OR3A2: variants seen among roughly 807,000 people sequenced by gnomAD.
The protein encoded by OR3A2 is olfactory receptor 3A2.
For synonymous variants in OR3A2, 126 were observed against 159.3 expected (o/e 0.79, Z 1.57); for missense variants, 318 against 392.8 (o/e 0.81, Z 1.61).
At chr17:3,301,451 A>C (rs534678499) in intron 3 of OR3A2, among the ~76,000 whole-genome samples, 292 of 152,242 alleles carry the variant, frequency 1.9e-3, no homozygotes, top group African/African-American at 6.8e-3. Flanking sequence ...AGTGATGATG[A>C]GCATTTTTTC....
chr17:3,335,441 C>A (rs532489213), intron 3 of OR3A2, among the ~76,000 whole-genome samples: 1 of 152,226 alleles, frequency 6.6e-6, no homozygotes, highest in South Asian at 2.1e-4. Context: ...TAATCAATTA[C>A]CTCAACACTA....
chr17:3,367,592 T>C (rs1194680688), intron 2 of OR3A2, among the ~76,000 whole-genome samples: 1 of 114,190 alleles, frequency 8.8e-6, no homozygotes, highest in East Asian at 8.2e-4. Context: ...TGTATATGTG[T>C]GTGTGTGTGT....
rs145253725 is a variant in OR3A2, at chr17:3,298,856, C to T, written c.-84-19703G>A. ...ACGAGTGAGCCAGAAATGAGATCAT[C>T]CAGTCATCTATCCACTGCCGTGTCA... is the stretch of plus-strand genomic sequence containing the variant. On this transcript the variant is annotated intron_variant, in intron 3 of 4. Coordinates refer to the OR3A2 transcript ENST00000573491. Among the ~76,000 whole-genome samples, 786 of 152,298 alleles carry T rather than the reference C, an allele frequency of 5.2e-3. 8 individuals are homozygous for T. The highest frequency in any genetic ancestry group is 0.018 in the African/African-American group (754 of 41,550).
chr17:3,284,098 ATGCAGTGGGTGCGGGCAG>A (rs2048793109), intron 1 of OR3A2, among the ~76,000 whole-genome samples: 1 of 148,946 alleles, frequency 6.7e-6, no homozygotes, highest in African/African-American at 2.5e-5. Context: ...CCGCTGCCTG[ATGCAGTGGGTGCGGGCAG>A]TGAACTGGTC....
At chr17:3,282,417 A>G (rs565195389) in intron 1 of OR3A2, among the ~76,000 whole-genome samples, 2 of 151,338 alleles carry the variant, frequency 1.3e-5, no homozygotes, top group Non-Finnish European at 2.9e-5. Context: ...CAAAAAAAAG[A>G]GTCAAGATAG....
chr17:3,378,788 C>T (rs2049707892), intron 2 of OR3A2, among the ~76,000 whole-genome samples: 1 of 152,192 alleles, frequency 6.6e-6, no homozygotes, highest in Non-Finnish European at 1.5e-5. Context: ...CGGAAGTTCT[C>T]CCTGAACACT....
chr17:3,325,736 T>C (rs747243824), intron 3 of OR3A2, among the ~76,000 whole-genome samples: 3 of 152,074 alleles, frequency 2.0e-5, no homozygotes, highest in Non-Finnish European at 4.4e-5. Flanking sequence ...AGTGTAAAAA[T>C]TGAGGTAAGA....
intron 2 of OR3A2, among the ~76,000 whole-genome samples, chr17:3,368,704 C>T (rs2049584911): frequency 6.6e-6 from 1 of 152,040 alleles, no homozygotes; most frequent in African/African-American, 2.4e-5. Flanking sequence ...CTTAGTCTTG[C>T]TTTGGCTATG....
At chr17:3,324,512 G>C (rs1404625245) in intron 3 of OR3A2, among the ~76,000 whole-genome samples, 1 of 152,044 alleles carries the variant, frequency 6.6e-6, no homozygotes, top group African/African-American at 2.4e-5. Flanking sequence ...GGTCTTTGAT[G>C]ATGGTGACAT....
chr17:3,378,322 T>TGC (rs1267691740), intron 2 of OR3A2, among the ~76,000 whole-genome samples: 2 of 152,206 alleles, frequency 1.3e-5, no homozygotes, highest in Non-Finnish European at 2.9e-5. Flanking sequence ...GGCTGGCACG[T>TGC]CAGCCCCCTG....
At position 3,291,631 on chromosome 17, in the gene OR3A2, C is replaced by G. The variant is rs764714389; in HGVS notation, c.-84-12478G>C. 3.1e-5 allele frequency: 49 copies of G among 1,581,130 alleles called. No individual in the cohort carries two copies. In the South Asian group the frequency reaches 5.4e-4, roughly 17 times the overall value. The stretch of plus-strand genomic sequence containing the variant: ...ACAGGGAGAAAGGGTCAATTGAGAC[C>G]TCCTCAAGCCAGTGACCGCCTCCCT... On this transcript the variant is annotated intron_variant, in intron 3 of 4. Coordinates refer to the OR3A2 transcript ENST00000573491.
chr17:3,325,076 T>C (rs2049159436), intron 3 of OR3A2, among the ~76,000 whole-genome samples: 1 of 152,074 alleles, frequency 6.6e-6, no homozygotes, highest in South Asian at 2.1e-4. Flanking sequence ...TTTTTACTAT[T>C]TTTATGATTT....
upstream of OR3A2, among the ~76,000 whole-genome samples, chr17:3,288,652 A>G (rs1001289659): frequency 1.3e-5 from 2 of 152,250 alleles, no homozygotes; most frequent in African/African-American, 4.8e-5. Flanking sequence ...ATATATATAT[A>G]ACATCCAATG....
intron 2 of OR3A2, among the ~76,000 whole-genome samples, chr17:3,344,631 C>A (rs1597350994): frequency 6.6e-6 from 1 of 152,148 alleles, no homozygotes; most frequent in East Asian, 1.9e-4. Flanking sequence ...TTTTCCTTGA[C>A]CATTCCCCAA....
chr17:3,386,297 C>A, upstream of OR3A2: 1 of 398,424 alleles, frequency 2.5e-6, no homozygotes, highest in East Asian at 3.6e-5. Context: ...TACGACCGCC[C>A]GACGGCGGCG....
intron 2 of OR3A2, among the ~76,000 whole-genome samples, chr17:3,348,835 G>A (rs231409): frequency 0.69 from 105,307 of 152,076 alleles, 38,049 homozygotes; most frequent in East Asian, 1. Flanking sequence ...CAGATCTCTC[G>A]GCAGAAACTC....
At chr17:3,283,769 G>C (rs1224503132) in intron 1 of OR3A2, among the ~76,000 whole-genome samples, 1 of 151,660 alleles carries the variant, frequency 6.6e-6, no homozygotes, top group African/African-American at 2.4e-5. Flanking sequence ...AAAACAATAC[G>C]GCCCTTAGGA....
intron 3 of OR3A2, among the ~76,000 whole-genome samples, chr17:3,306,039 G>T (rs1193735157): frequency 6.6e-6 from 1 of 152,212 alleles, no homozygotes; most frequent in Non-Finnish European, 1.5e-5. Context: ...GGAGCATTTG[G>T]TGTGCGGAAC....
intron 2 of OR3A2, among the ~76,000 whole-genome samples, chr17:3,359,734 T>C (rs565595221): frequency 6.6e-6 from 1 of 151,802 alleles, no homozygotes; most frequent in East Asian, 1.9e-4. Context: ...TCCATGTCCC[T>C]ACAAAGGACA....
Sources: allele counts gnomAD v4.1 joint callset (sites outside exome capture counted in the v4.1 genomes callset), GRCh38; gene constraint gnomAD v4.1.1; transcripts MANE v1.5; gene names NCBI Gene and HGNC (gene_info 2026-07-23, HGNC 2026-07-21).